Variants in CFAP61 observed in about 807,000 individuals in gnomAD.
CFAP61 encodes the protein cilia and flagella associated protein 61.
Under a neutral mutation model 135.6 loss-of-function variants are expected in CFAP61, and 107 were observed. That is an observed-to-expected ratio of 0.79 (90% CI 0.67 to 0.93). The LOEUF (loss-of-function observed/expected upper bound fraction) is 0.93, where lower values mean the gene tolerates loss of function less well. Ranked by LOEUF, CFAP61 falls within the 40% of genes least tolerant of loss-of-function variation. The pLI, the probability that CFAP61 is intolerant of heterozygous loss-of-function variation, is 0.00. For synonymous variants in CFAP61, 575 were observed against 578.5 expected (o/e 0.99, Z 0.09); for missense variants, 1,507 against 1,556.2 (o/e 0.97, Z 0.53).
At chr20:20,354,960 G>A (rs1294398423) in intron 26 of CFAP61, among the ~76,000 whole-genome samples, 15 of 146,992 alleles carry the variant, frequency 1.0e-4, no homozygotes, top group African/African-American at 3.8e-4. Context: ...CTGAGGGGAA[G>A]TGGTCACACT....
Position 20,341,845 on chromosome 20 carries a change from C to A in CFAP61, c.3437C>A (p.Pro1146Gln). Residue 1146 changes from proline to glutamine, a missense_variant, in exon 26 of 27, where the codon CCG (proline) becomes CAG (glutamine). Transcript: ENST00000245957. ...ITDLYSYFTE[P>Q]WCLALFHDRF... ...TTCCTTACCAGCTACTTCACCGAGC[C>A]GTGGTGCCTGGCCCTGTTCCACGAT... 1 of 1,613,406 alleles carries A rather than the reference C, an allele frequency of 6.2e-7. No individual in the cohort carries two copies. Among genetic ancestry groups the A allele is most frequent in the Non-Finnish European group, 8.5e-7 (1 of 1,179,790 alleles).
At chr20:20,239,708 C>T (rs1211426595) in intron 18 of CFAP61, among the ~76,000 whole-genome samples, 2 of 152,078 alleles carry the variant, frequency 1.3e-5, no homozygotes, top group Non-Finnish European at 2.9e-5. Context: ...CTTCTGAGAC[C>T]GGGATCTTAA....
At chr20:20,253,595 C>G (rs2051189693) in intron 20 of CFAP61, 1 of 492,946 alleles carries the variant, frequency 2.0e-6, no homozygotes, top group African/African-American at 2.0e-5. Flanking sequence ...ATTCAGCACT[C>G]TTTTTGGGCC....
At chr20:20,214,692 G>T (rs2047915567) in intron 17 of CFAP61, among the ~76,000 whole-genome samples, 1 of 152,226 alleles carries the variant, frequency 6.6e-6, no homozygotes, top group South Asian at 2.1e-4. Flanking sequence ...CAGCCCCCTG[G>T]ACCGCTGTAA....
At chr20:20,290,104 A>G (rs1173424265) in intron 23 of CFAP61, among the ~76,000 whole-genome samples, 196 bp from the exon 24 acceptor site, 1 of 152,250 alleles carries the variant, frequency 6.6e-6, no homozygotes, top group Non-Finnish European at 1.5e-5. Context: ...GGGATATCAT[A>G]TCACATTCAC....
chr20:20,182,525 C>T (rs1217877319), intron 13 of CFAP61, among the ~76,000 whole-genome samples: 3 of 151,936 alleles, frequency 2.0e-5, no homozygotes, highest in African/African-American at 7.2e-5. Flanking sequence ...AAATTGTGGA[C>T]TGTCTGGTTC....
intron 6 of CFAP61, among the ~76,000 whole-genome samples, chr20:20,085,882 T>C (rs1337896610): frequency 6.6e-6 from 1 of 152,236 alleles, no homozygotes; most frequent in Non-Finnish European, 1.5e-5. Context: ...TCAAGGACTC[T>C]TTTTTACAGA....
At chr20:20,291,616 A>T (rs367864505) in intron 24 of CFAP61, among the ~76,000 whole-genome samples, 21 of 152,204 alleles carry the variant, frequency 1.4e-4, no homozygotes, top group Non-Finnish European at 2.5e-4. Context: ...GCATCGATAG[A>T]TAACTGAAAT....
At chr20:20,255,447 C>T (rs900242100) in intron 20 of CFAP61, among the ~76,000 whole-genome samples, 16 of 152,132 alleles carry the variant, frequency 1.1e-4, no homozygotes, top group African/African-American at 2.9e-4. Context: ...CAGGTACTTC[C>T]AAGCAAGCAA....
intron 8 of CFAP61, among the ~76,000 whole-genome samples, chr20:20,121,887 T>C (rs1475449429): frequency 6.6e-6 from 1 of 152,182 alleles, no homozygotes; most frequent in East Asian, 1.9e-4. Flanking sequence ...CTGTTGTCCT[T>C]TATGGCTAAG....
chr20:20,083,635 A>G (rs374836627), intron 6 of CFAP61, among the ~76,000 whole-genome samples: 5 of 152,358 alleles, frequency 3.3e-5, no homozygotes, highest in African/African-American at 1.2e-4. Context: ...AAATCCACTT[A>G]AACTTGACTT....
At chr20:20,325,786 G>A (rs878959471) in intron 25 of CFAP61, among the ~76,000 whole-genome samples, 10 of 152,096 alleles carry the variant, frequency 6.6e-5, no homozygotes, top group East Asian at 3.8e-4. Flanking sequence ...AGAAACCACC[G>A]AACTGTCTTC....
intron 25 of CFAP61, chr20:20,322,900 CT>C: frequency 2.0e-6 from 2 of 985,414 alleles, no homozygotes; most frequent in Non-Finnish European, 2.4e-6. Flanking sequence ...TTCCTTGTGA[CT>C]TTCTATACTT....
At chr20:20,077,144 G>A (rs941581051) in intron 6 of CFAP61, among the ~76,000 whole-genome samples, 2 of 151,994 alleles carry the variant, frequency 1.3e-5, no homozygotes, top group Admixed American at 6.6e-5. Flanking sequence ...CTGCTCCTCC[G>A]CCCAAAAAAA....
At chr20:20,341,021 G>T (rs539231443) in intron 25 of CFAP61, among the ~76,000 whole-genome samples, 1 of 152,076 alleles carries the variant, frequency 6.6e-6, no homozygotes, top group Non-Finnish European at 1.5e-5. Flanking sequence ...GCCCATTCAC[G>T]TGGGGGCACC....
At chr20:20,204,064 A>C (rs564419405) in intron 17 of CFAP61, among the ~76,000 whole-genome samples, 1 of 151,974 alleles carries the variant, frequency 6.6e-6, no homozygotes, top group Non-Finnish European at 1.5e-5. Flanking sequence ...CATTGCCTCA[A>C]TGTCAATAGT....
intron 2 of CFAP61, 53 bp from the exon 3 acceptor site, chr20:20,070,801 C>G: frequency 1.3e-6 from 2 of 1,562,550 alleles, no homozygotes; most frequent in Non-Finnish European, 1.7e-6. Flanking sequence ...GGCATGTCCT[C>G]ACCTCACTTT....
At chr20:20,248,697 C>T (rs1440182437) in intron 19 of CFAP61, among the ~76,000 whole-genome samples, 1 of 152,102 alleles carries the variant, frequency 6.6e-6, no homozygotes, top group Non-Finnish European at 1.5e-5. Flanking sequence ...AGGTTCTTTC[C>T]AGCTCGGAAG....
chr20:20,161,590 CTG>C (rs1406046194), intron 10 of CFAP61, among the ~76,000 whole-genome samples: 2 of 152,138 alleles, frequency 1.3e-5, no homozygotes, highest in Non-Finnish European at 2.9e-5. Context: ...AGGCTGAAGA[CTG>C]GAGGTTTGCA....
Sources: allele counts gnomAD v4.1 joint callset (sites outside exome capture counted in the v4.1 genomes callset), GRCh38; gene constraint gnomAD v4.1.1; transcripts MANE v1.5; gene names NCBI Gene and HGNC (gene_info 2026-07-23, HGNC 2026-07-21).